FREM2: variants seen among roughly 807,000 people sequenced by gnomAD.
The protein encoded by FREM2 is FRAS1-related extracellular matrix protein 2.
FREM2 carries 119 observed loss-of-function variants against 219.9 expected under a neutral mutation model. The ratio of observed to expected loss-of-function variants is 0.54; its 90% CI spans 0.47 to 0.63. The LOEUF (loss-of-function observed/expected upper bound fraction) is 0.63. FREM2 is among the 30% of genes least tolerant of loss of function. FREM2 has a pLI of 0.00. For synonymous variants in FREM2, 1,562 were observed against 1,522.8 expected, an observed-to-expected ratio of 1.03 and a Z score of -0.60; for missense variants, 4,030 against 3,993.6, an observed-to-expected ratio of 1.01 and a Z score of -0.25.
Position 38,864,522 on chromosome 13 carries a change from G to C in FREM2, c.7899G>C (p.Glu2633Asp). Reference sequence around the variant, plus strand: ...GCTTCTACCGGAACCTGAACCTAGAGGCCTGTTTATGGGAGTTCGTTAGCT... The same window carrying C: ...GCTTCTACCGGAACCTGAACCTAGACGCCTGTTTATGGGAGTTCGTTAGCT... The part of the protein sequence containing the change: ...TLRFYRNLNL[E>D]ACLWEFVSYY... Residue 2633 changes from glutamate (E) to aspartate (D), a missense_variant, in exon 16 of 24, where the codon GAG becomes GAC. Glu to Asp is a conservative substitution (Grantham distance 45). This residue lies in a region of FREM2 where 928 missense variants were observed against 1,042.9 expected (regional missense o/e 0.89). Coordinates refer to ENST00000280481, the MANE Select transcript of FREM2 (RefSeq NM_207361.6). 1 of 1,614,216 alleles carries C rather than the reference G, an allele frequency of 6.2e-7. No homozygotes were observed. Among genetic ancestry groups the C allele is most frequent in the Non-Finnish European group, 8.5e-7 (1 of 1,180,038 alleles).
intron 2 of FREM2, among the ~76,000 whole-genome samples, chr13:38,754,661 C>CGCCA (rs1872909254): frequency 6.6e-6 from 1 of 152,146 alleles, no homozygotes; most frequent in Non-Finnish European, 1.5e-5. Flanking sequence ...CTGACCATGG[C>CGCCA]CCTCAATCTG....
At chr13:38,821,687 A>G (rs1047635269) in intron 6 of FREM2, 65 of 152,140 alleles carry the variant, frequency 4.3e-4, no homozygotes, top group African/African-American at 1.5e-3. Context: ...GCGAGGGTAG[A>G]GGGCATAAGG....
intron 4 of FREM2, among the ~76,000 whole-genome samples, chr13:38,782,216 G>A (rs1874145082): frequency 6.6e-6 from 1 of 152,186 alleles, no homozygotes; most frequent in Non-Finnish European, 1.5e-5. Flanking sequence ...TTCTGTGTGG[G>A]TGTGAGACTG....
intron 6 of FREM2, among the ~76,000 whole-genome samples, chr13:38,831,355 G>A (rs536078382): frequency 1.3e-5 from 2 of 152,096 alleles, no homozygotes; most frequent in East Asian, 3.9e-4. Flanking sequence ...AAAAAGGCAA[G>A]AGAAGATTCC....
intron 6 of FREM2, among the ~76,000 whole-genome samples, chr13:38,831,352 C>G (rs1217392849): frequency 6.6e-6 from 1 of 152,000 alleles, no homozygotes; most frequent in Non-Finnish European, 1.5e-5. Context: ...CTCAAAAAGG[C>G]AAGAGAAGAT....
At chr13:38,792,431 C>T (rs138533169) in intron 6 of FREM2, among the ~76,000 whole-genome samples, 12 of 152,278 alleles carry the variant, frequency 7.9e-5, no homozygotes, top group African/African-American at 2.4e-4. Context: ...CTCTCCTTGT[C>T]AGCAGTTTCC....
Position 38,857,867 on chromosome 13 carries a change from C to T in FREM2, c.7057-8C>T. 1 of 1,610,764 alleles carries T rather than the reference C, an allele frequency of 6.2e-7. No individual in the cohort carries two copies. Among genetic ancestry groups the T allele is most frequent in the East Asian group, 2.2e-5 (1 of 44,846 alleles). On this transcript the variant is annotated splice_polypyrimidine_tract_variant and splice_region_variant and intron_variant, in intron 12 of 23. Coordinates refer to ENST00000280481, the MANE Select transcript of FREM2 (RefSeq NM_207361.6). ...CACTAATCAGTGATAATTGTCTTTT[C>T]CTTCTAGTTGACGAAAGCCATTGTG...
chr13:38,810,242 A>G (rs1028029558), intron 6 of FREM2, among the ~76,000 whole-genome samples: 8 of 152,114 alleles, frequency 5.3e-5, no homozygotes, highest in Admixed American at 2.6e-4. Flanking sequence ...TTTTCTGAAT[A>G]TAAGATTATA....
At chr13:38,760,173 C>A (rs1332355750) in intron 2 of FREM2, among the ~76,000 whole-genome samples, 1 of 151,986 alleles carries the variant, frequency 6.6e-6, no homozygotes, top group Non-Finnish European at 1.5e-5. Context: ...GTTTAAAATC[C>A]CAGTGTTAGT....
intron 6 of FREM2, among the ~76,000 whole-genome samples, chr13:38,845,227 G>A (rs574973261): frequency 6.7e-6 from 1 of 150,266 alleles, no homozygotes; most frequent in African/African-American, 2.4e-5. Flanking sequence ...TTTGGGGCAA[G>A]AAAATAAAGA....
intron 17 of FREM2, among the ~76,000 whole-genome samples, chr13:38,873,293 G>C (rs1350102899): frequency 4.6e-5 from 7 of 152,012 alleles, no homozygotes; most frequent in Admixed American, 3.9e-4. Context: ...AAATGACCAA[G>C]GGAAAAAGTT....
intron 2 of FREM2, among the ~76,000 whole-genome samples, chr13:38,725,282 A>G (rs1234944754): frequency 6.6e-6 from 1 of 152,230 alleles, no homozygotes. Context: ...CTCTGCCTTC[A>G]TAATACTTTA....
At chr13:38,817,322 T>C (rs576541011) in intron 6 of FREM2, among the ~76,000 whole-genome samples, 4 of 152,102 alleles carry the variant, frequency 2.6e-5, no homozygotes, top group African/African-American at 9.6e-5. Flanking sequence ...ACTACAAAGC[T>C]ATAGTAAGTA....
intron 2 of FREM2, among the ~76,000 whole-genome samples, chr13:38,712,147 G>GC (rs1056095046): frequency 6.6e-6 from 1 of 151,710 alleles, no homozygotes; most frequent in Admixed American, 6.6e-5. Flanking sequence ...ACCTGCCTCG[G>GC]CCCCCCAAAG....
chr13:38,839,737 G>A (rs766639845), intron 6 of FREM2, among the ~76,000 whole-genome samples: 1 of 152,098 alleles, frequency 6.6e-6, no homozygotes, highest in Non-Finnish European at 1.5e-5. Context: ...GAGCTTCCTG[G>A]AGGCTTTTTT....
In FREM2 at chr13:38,787,250, A is replaced by G. The variant is rs561405455; in HGVS notation, c.6019+2442A>G. On this transcript the variant is annotated intron_variant, in intron 6 of 23. Transcript: ENST00000280481. The stretch of plus-strand genomic sequence containing the variant: ...AGGAATGCTCTTGGTGATTATTGCC[A>G]TTGCTTCTTCATTCACTCAACCACT... Among the ~76,000 whole-genome samples the G allele has an allele frequency of 1.4e-4, 22 of 152,252 alleles. No individual in the cohort carries two copies. In the East Asian group the frequency reaches 4.3e-3, roughly 29 times the overall value.
intron 1 of FREM2, among the ~76,000 whole-genome samples, chr13:38,694,028 A>G (rs1459320690): frequency 6.6e-6 from 1 of 152,144 alleles, no homozygotes; most frequent in African/African-American, 2.4e-5. Context: ...TCTTCAAATT[A>G]CTCCTCTGAC....
chr13:38,764,101 G>T (rs368216901), intron 2 of FREM2, among the ~76,000 whole-genome samples: 2 of 152,160 alleles, frequency 1.3e-5, no homozygotes, highest in South Asian at 2.1e-4. Flanking sequence ...AGGAATTTGT[G>T]AAGAATTATG....
At chr13:38,709,674 T>C (rs141496900) in intron 2 of FREM2, among the ~76,000 whole-genome samples, 2 of 152,136 alleles carry the variant, frequency 1.3e-5, no homozygotes, top group African/African-American at 4.8e-5. Context: ...ACGGATAATT[T>C]AAAAATCTTT....
Sources: allele counts gnomAD v4.1 joint callset (sites outside exome capture counted in the v4.1 genomes callset), GRCh38; gene constraint gnomAD v4.1.1; regional missense constraint gnomAD v4.1.1; transcripts MANE v1.5; gene names NCBI Gene and HGNC (gene_info 2026-07-23, HGNC 2026-07-21).